Variants in BZW1 observed in about 807,000 individuals in gnomAD.
BZW1 encodes the protein basic leucine zipper and W2 domains 1.
Under a neutral mutation model 54.1 loss-of-function variants are expected in BZW1, and 3 were observed. The observed-to-expected ratio is 0.06, with a 90% CI of 0.03 to 0.14. The LOEUF is 0.14. Among genes scored for constraint, BZW1 ranks in the 10% least tolerant of loss-of-function variants. The pLI is 1.00. For missense variants in BZW1, 206 were observed against 491.7 expected (o/e 0.42, Z 5.50); for synonymous variants, 152 against 162.7 (o/e 0.93, Z 0.50).
rs2038695986 is a variant in BZW1 at position 200,826,399 on chromosome 2, AGATAGATATT to A, written c.*4222_*4231del. On this transcript the variant is annotated 3_prime_UTR_variant, in exon 12 of 12. Transcript: ENST00000409600. Reference sequence around the variant, plus strand: ...TAGATAGATAGATAGATAGATAGATAGATAGATATTTTTTTTTTTTTTTTTTTTTTTTTTT... The same window carrying A: ...TAGATAGATAGATAGATAGATAGATATTTTTTTTTTTTTTTTTTTTTTTTT... 1.6e-5 allele frequency: 1 copy of A among 62,108 alleles called. No homozygotes were observed. The highest frequency in any genetic ancestry group is 3.6e-5 in the Non-Finnish European group (1 of 27,706). 3.8% of individuals were successfully genotyped at this position (62,108 alleles called of 1,614,324 possible).
chr2:200,814,262 T>C (rs6709748), intron 2 of BZW1, among the ~76,000 whole-genome samples: 71,401 of 151,962 alleles, frequency 0.47, 17,518 homozygotes, highest in Non-Finnish European at 0.56. Context: ...GCATTCTTAT[T>C]ATTAGCATCA....
rs1442790766 is a variant in BZW1 at position 200,816,188 on chromosome 2, G to A, written c.337-137G>A. 7.5e-6 allele frequency: 4 copies of A among 532,636 alleles called. No homozygotes were observed. In the African/African-American group the frequency reaches 7.7e-5, roughly 10 times the overall value. 33.0% of individuals were successfully genotyped at this position (532,636 alleles called of 1,614,324 possible). ...CAAAGAATTAAAGTACATCTAACCT[G>A]GACATTCTTATGTGTCACTAGGAAT... On this transcript the variant is annotated intron_variant, in intron 4 of 11. Coordinates refer to ENST00000409600, the MANE Select transcript of BZW1 (RefSeq NM_001207067.2).
chr2:200,815,905 G>C, intron 4 of BZW1, 144 bp downstream of exon 4: 1 of 785,116 alleles, frequency 1.3e-6, no homozygotes, highest in East Asian at 2.9e-5. Context: ...GGTGCAACGG[G>C]ATGAATTAGA....
At chr2:200,822,027 C>A in intron 11 of BZW1, 120 bp from the exon 12 acceptor site, 1 of 886,110 alleles carries the variant, frequency 1.1e-6, no homozygotes, top group Non-Finnish European at 1.8e-6. Flanking sequence ...CAAGAGGGTG[C>A]TGCTGCATTC....
chr2:200,816,822 T>C (rs1028217420), intron 5 of BZW1, among the ~76,000 whole-genome samples: 4 of 152,172 alleles, frequency 2.6e-5, no homozygotes, highest in East Asian at 1.9e-4. Flanking sequence ...AAACTTGATA[T>C]GTTTATCAAG....
At position 200,811,951 on chromosome 2, in the gene BZW1, A is replaced by T. The variant is rs1351138008; in HGVS notation, c.-50A>T. ...GAGACACCGCCGCAGTTGCCGGTAC[A>T]TCGGGGATTTCTGGCTCTTTCCTCT... On this transcript the variant is annotated 5_prime_UTR_variant, in exon 1 of 12. Transcript: ENST00000409600. 3.4e-6 allele frequency: 1 copy of T among 296,716 alleles called. No individual in the cohort carries two copies. 18.4% of individuals were successfully genotyped at this position (296,716 alleles called of 1,614,324 possible).
Position 200,821,309 on chromosome 2 carries a change from A to C in BZW1, c.1228+4A>C. 6.2e-7 allele frequency: 1 copy of C among 1,613,326 alleles called. No individual in the cohort carries two copies. The highest frequency in any genetic ancestry group is 1.3e-5 in the African/African-American group (1 of 75,044). ...TGGCTCAAAAATGCTGAAGAAGGTAAGGATTTTCCTTTGTGTGGTTTGTTT... is the reference window on the plus strand; with the variant it reads ...TGGCTCAAAAATGCTGAAGAAGGTACGGATTTTCCTTTGTGTGGTTTGTTT... On this transcript the variant is annotated splice_donor_region_variant and intron_variant, in intron 11 of 11. Transcript: ENST00000409600.
rs2038673507 is a variant in BZW1, at chr2:200,825,737, A to C, written c.*3559A>C. The C allele has an allele frequency of 6.6e-6, 1 of 152,262 alleles. No homozygotes were observed. 9.4% of individuals were successfully genotyped at this position (152,262 alleles called of 1,614,324 possible). ...AATGAATTAAAGTTGTAGGCATAACACTGATAAACCTCTGCTCTCATACTG... is the reference window on the plus strand; with the variant it reads ...AATGAATTAAAGTTGTAGGCATAACCCTGATAAACCTCTGCTCTCATACTG... On this transcript the variant is annotated 3_prime_UTR_variant, in exon 12 of 12. Transcript: ENST00000409600.
rs2038632856 is a variant in BZW1, at chr2:200,824,303, T to C, written c.*2125T>C. Reference sequence around the variant, plus strand: ...GGTAATTTTAGAATTCAGGTGCCAGTGCCAGCCTATGGCCTCAAGTATGTA... The same window carrying C: ...GGTAATTTTAGAATTCAGGTGCCAGCGCCAGCCTATGGCCTCAAGTATGTA... On this transcript the variant is annotated 3_prime_UTR_variant, in exon 12 of 12. Coordinates refer to ENST00000409600, the MANE Select transcript of BZW1 (RefSeq NM_001207067.2). 2.0e-5 allele frequency: 3 copies of C among 152,178 alleles called. No individual in the cohort carries two copies. Among genetic ancestry groups the C allele is most frequent in the African/African-American group, 7.2e-5 (3 of 41,448 alleles). 9.4% of individuals were successfully genotyped at this position (152,178 alleles called of 1,614,324 possible).
chr2:200,814,535 G>A (rs563979213), intron 2 of BZW1, among the ~76,000 whole-genome samples: 34 of 152,320 alleles, frequency 2.2e-4, no homozygotes, highest in African/African-American at 6.5e-4. Context: ...CTCAGTAAAG[G>A]TCAGGTATGT....
chr2:200,813,828 A>G (rs1559309566), intron 2 of BZW1, among the ~76,000 whole-genome samples: 1 of 152,172 alleles, frequency 6.6e-6, no homozygotes, highest in African/African-American at 2.4e-5. Flanking sequence ...TTCTGTAGCA[A>G]AGTGCTGTGC....
chr2:200,821,768 A>C (rs2038524299), intron 11 of BZW1, among the ~76,000 whole-genome samples: 1 of 152,098 alleles, frequency 6.6e-6, no homozygotes, highest in Non-Finnish European at 1.5e-5. Context: ...AAATTCGTTA[A>C]CAGCTTCAAA....
Position 200,818,835 on chromosome 2 carries a change from A to G in BZW1, c.900A>G (p.Val300=), listed in dbSNP as rs376962712. 905 of 1,603,032 alleles carry G rather than the reference A, an allele frequency of 5.6e-4. 11 individuals carry two copies. In the African/African-American group the frequency reaches 0.011, roughly 20 times the overall value. Reference sequence around the variant, plus strand: ...TCATCGGAATAGTCTGGTCAAGTGTAATGAGCACTGTGGAATGGAACAAAA... The same window carrying G: ...TCATCGGAATAGTCTGGTCAAGTGTGATGAGCACTGTGGAATGGAACAAAA... ...PVVIGIVWSS[V]MSTVEWNKKE... is the part of the protein sequence containing the mutation. Residue 300 remains valine (V), a synonymous_variant, in exon 9 of 12, where the codon GTA becomes GTG. Transcript: ENST00000409600.
rs533898356 is a variant in BZW1 at position 200,824,532 on chromosome 2, C to T, written c.*2354C>T. On this transcript the variant is annotated 3_prime_UTR_variant, in exon 12 of 12. Transcript: ENST00000409600. ...TTCCATTCTTATTTAAAAAAAAAAA[C>T]CTCCATATACCAAAAATGCTACAGG... The T allele has an allele frequency of 4.6e-5, 7 of 151,138 alleles. No homozygotes were observed. The highest frequency in any genetic ancestry group is 1.7e-4 in the African/African-American group (7 of 41,110). 9.4% of individuals were successfully genotyped at this position (151,138 alleles called of 1,614,324 possible). A position where few individuals can be genotyped will look rare whatever the true frequency, so the allele number is the denominator to read the frequency against.
chr2:200,817,917 C>G, intron 6 of BZW1, 57 bp from the exon 7 acceptor site: 3 of 1,193,886 alleles, frequency 2.5e-6, no homozygotes, highest in Non-Finnish European at 3.6e-6. Flanking sequence ...TATAGGGGGA[C>G]ACAGTGATTG....
rs1439604455 is a variant in BZW1 at position 200,815,725 on chromosome 2, C to T, written c.300C>T (p.Ala100=). 1.9e-6 allele frequency: 3 copies of T among 1,588,418 alleles called. No individual in the cohort carries two copies. Among genetic ancestry groups the T allele is most frequent in the Non-Finnish European group, 2.6e-6 (3 of 1,167,302 alleles). Residue 100 remains alanine, a synonymous_variant, in exon 4 of 12, where the codon GCC becomes GCT. Coordinates refer to ENST00000409600, the MANE Select transcript of BZW1 (RefSeq NM_001207067.2). ...MMRTDVCVFA[A]QEDLETMQAF... is the part of the protein sequence containing the mutation. ...GTACAGATGTCTGCGTGTTTGCAGC[C>T]CAAGAAGATCTAGAGACCATGCAAG...
In BZW1 at chr2:200,818,747, A is replaced by T; in HGVS notation, c.820-8A>T. The T allele has an allele frequency of 1.9e-6, 3 of 1,576,374 alleles. No homozygotes were observed. In the African/African-American group the frequency reaches 4.1e-5, roughly 22 times the overall value. On this transcript the variant is annotated splice_polypyrimidine_tract_variant and splice_region_variant and intron_variant, in intron 8 of 11. Coordinates refer to ENST00000409600, the MANE Select transcript of BZW1 (RefSeq NM_001207067.2). The stretch of plus-strand genomic sequence containing the variant: ...GACTTCTGTTACTAAATTTGGATTC[A>T]TTTGCAGATAATTTTATATGTCAAG...
upstream of BZW1, chr2:200,811,696 C>T (rs534398720): frequency 6.6e-6 from 1 of 152,618 alleles, no homozygotes; most frequent in African/African-American, 2.4e-5. Context: ...ATAAGCTAGT[C>T]TAGGACAAGT....
chr2:200,816,146 G>A (rs2038281105), intron 4 of BZW1, among the ~76,000 whole-genome samples, 179 bp from the exon 5 acceptor site: 1 of 152,184 alleles, frequency 6.6e-6, no homozygotes, highest in South Asian at 2.1e-4. Context: ...ACGTAGTTAT[G>A]TTTGTGTTAC....
Sources: gnomAD v4.1 joint callset for allele counts (sites outside exome capture counted in the v4.1 genomes callset) on GRCh38, gnomAD v4.1.1 for gene constraint, MANE v1.5 for transcripts, NCBI Gene and HGNC (gene_info 2026-07-23, HGNC 2026-07-21) for gene names.